Variants in ERBB4 observed in about 807,000 individuals in gnomAD.
ERBB4 encodes erb-b2 receptor tyrosine kinase 4, also known as receptor tyrosine-protein kinase erbB-4.
ERBB4 carries 42 observed loss-of-function variants against 158.0 expected under a neutral mutation model. The observed-to-expected ratio is 0.27, with a 90% CI of 0.21 to 0.34. The LOEUF is 0.34. Ranked by LOEUF, ERBB4 falls within the 10% of genes least tolerant of loss-of-function variation. The pLI is 1.00. For synonymous variants in ERBB4, 583 were observed against 558.7 expected, an observed-to-expected ratio of 1.04 and a Z score of -0.61; for missense variants, 1,333 against 1,624.1, an observed-to-expected ratio of 0.82 and a Z score of 3.08.
rs949584730 is a variant in ERBB4, at chr2:211,377,530, T to C, written c.*6085A>G. The C allele has an allele frequency of 8.6e-6, 2 of 232,664 alleles. No homozygotes were observed. Among genetic ancestry groups the C allele is most frequent in the Admixed American group, 5.6e-5 (1 of 17,740 alleles). The allele number at this position is 232,664 out of a possible 1,614,324, so 14.4% of individuals were successfully genotyped here. A position where few individuals can be genotyped will look rare whatever the true frequency, so the allele number is the denominator to read the frequency against. The stretch of plus-strand genomic sequence containing the variant: ...AACATGGATTTTCATTAACATGAAC[T>C]GTCCTCATTATGTATTTGTTAGATG... On this transcript the variant is annotated 3_prime_UTR_variant, in exon 28 of 28. Transcript: ENST00000342788.
intron 1 of ERBB4, among the ~76,000 whole-genome samples, chr2:212,350,308 G>A (rs2089197505): frequency 6.6e-6 from 1 of 152,058 alleles, no homozygotes; most frequent in African/African-American, 2.4e-5. Flanking sequence ...AGAGTGTAAA[G>A]CTATCCATTT....
intron 1 of ERBB4, among the ~76,000 whole-genome samples, chr2:212,429,703 G>A (rs139567231): frequency 1.6e-4 from 24 of 152,110 alleles, no homozygotes; most frequent in Non-Finnish European, 3.1e-4. Flanking sequence ...AATAACACAT[G>A]ATGAACACAT....
chr2:212,203,005 A>G (rs1254678494), intron 1 of ERBB4, among the ~76,000 whole-genome samples: 3 of 151,730 alleles, frequency 2.0e-5, no homozygotes, highest in Non-Finnish European at 4.4e-5. Context: ...ATTTACATAT[A>G]TGTATATATT....
intron 2 of ERBB4, among the ~76,000 whole-genome samples, chr2:212,003,118 AAGGAAGGAAG>A (rs2076149358): frequency 1.9e-4 from 3 of 15,658 alleles, no homozygotes; most frequent in Non-Finnish European, 5.4e-4. Flanking sequence ...AGAAAGAAGG[AAGGAAGGAAG>A]GAAGGAAGGA....
At chr2:212,104,344 G>A (rs1178226406) in intron 2 of ERBB4, among the ~76,000 whole-genome samples, 2 of 151,962 alleles carry the variant, frequency 1.3e-5, no homozygotes, top group South Asian at 4.2e-4. Flanking sequence ...TGGCATATAT[G>A]TCCTTGTGGA....
intron 19 of ERBB4, among the ~76,000 whole-genome samples, chr2:211,590,682 T>C (rs140721479): frequency 6.6e-6 from 1 of 152,242 alleles, no homozygotes; most frequent in East Asian, 1.9e-4. Flanking sequence ...GGAGACTGAT[T>C]CGAGTAACGA....
intron 20 of ERBB4, among the ~76,000 whole-genome samples, chr2:211,510,979 T>C (rs1647723146): frequency 6.6e-6 from 1 of 151,894 alleles, no homozygotes; most frequent in African/African-American, 2.4e-5. Context: ...TTAAACCTAA[T>C]ATACCAAGAG....
intron 3 of ERBB4, among the ~76,000 whole-genome samples, chr2:211,898,966 T>C (rs946620425): frequency 6.6e-6 from 1 of 152,142 alleles, no homozygotes; most frequent in Admixed American, 6.6e-5. Flanking sequence ...AATTTCCTTC[T>C]CCTATGTTGC....
intron 19 of ERBB4, among the ~76,000 whole-genome samples, chr2:211,615,339 A>G (rs945830289): frequency 6.6e-6 from 1 of 151,990 alleles, no homozygotes; most frequent in Admixed American, 6.6e-5. Context: ...ATTTAAAAAA[A>G]AAAGAAAACA....
intron 2 of ERBB4, among the ~76,000 whole-genome samples, chr2:212,020,102 T>C (rs2076616284): frequency 2.0e-5 from 3 of 152,136 alleles, no homozygotes; most frequent in Non-Finnish European, 2.9e-5. Flanking sequence ...TTCCACAGCA[T>C]CCTTAATGCA....
chr2:212,101,350 C>CATATATATATATATATATATACAT (rs56091369), intron 2 of ERBB4, among the ~76,000 whole-genome samples: 1 of 143,086 alleles, frequency 7.0e-6, no homozygotes. Flanking sequence ...ACACCCTATA[C>CATATATATATATATATATATACAT]ATATATATAT....
chr2:212,379,801 C>CTGTG (rs758171286), intron 1 of ERBB4, among the ~76,000 whole-genome samples: 1 of 149,264 alleles, frequency 6.7e-6, no homozygotes, highest in Non-Finnish European at 1.5e-5. Context: ...TCTCTCTCCT[C>CTGTG]TGTGTGTGTG....
intron 1 of ERBB4, among the ~76,000 whole-genome samples, chr2:212,179,714 T>C (rs2081795044): frequency 6.6e-6 from 1 of 151,628 alleles, no homozygotes; most frequent in Non-Finnish European, 1.5e-5. Flanking sequence ...GCCAAGTTGC[T>C]ATAAATCATA....
intron 1 of ERBB4, among the ~76,000 whole-genome samples, chr2:212,248,265 C>T (rs901411511): frequency 1.3e-5 from 2 of 152,038 alleles, no homozygotes; most frequent in African/African-American, 4.8e-5. Context: ...CAAATTTTTG[C>T]GTTTACATAC....
intron 2 of ERBB4, among the ~76,000 whole-genome samples, chr2:212,065,019 G>GTA (rs1279032091): frequency 1.3e-5 from 2 of 149,922 alleles, no homozygotes; most frequent in Non-Finnish European, 3.0e-5. Context: ...GTGTGTGTGT[G>GTA]TGTGTGTGTT....
chr2:212,297,685 T>C (rs2086463820), intron 1 of ERBB4, among the ~76,000 whole-genome samples: 1 of 151,818 alleles, frequency 6.6e-6, no homozygotes, highest in African/African-American at 2.4e-5. Context: ...ATGTCTAATA[T>C]TTTAATAATC....
chr2:212,504,867 A>G (rs1691100658), intron 1 of ERBB4, among the ~76,000 whole-genome samples: 1 of 152,216 alleles, frequency 6.6e-6, no homozygotes, highest in African/African-American at 2.4e-5. Context: ...GGATAGTATC[A>G]ATGAAGTTGG....
At chr2:212,406,574 A>G (rs1415421784) in intron 1 of ERBB4, among the ~76,000 whole-genome samples, 9 of 152,180 alleles carry the variant, frequency 5.9e-5, no homozygotes, top group African/African-American at 1.7e-4. Context: ...GGACTAAATG[A>G]TTTAAGATTA....
At chr2:212,112,221 C>T (rs1021551441) in intron 2 of ERBB4, among the ~76,000 whole-genome samples, 1 of 152,046 alleles carries the variant, frequency 6.6e-6, no homozygotes, top group Non-Finnish European at 1.5e-5. Flanking sequence ...TGATCTCAAA[C>T]TCCTGGCTTC....
Sources: gnomAD v4.1 joint callset for allele counts (sites outside exome capture counted in the v4.1 genomes callset) on GRCh38, gnomAD v4.1.1 for gene constraint, MANE v1.5 for transcripts, NCBI Gene and HGNC (gene_info 2026-07-23, HGNC 2026-07-21) for gene names.